The following PTPRK variants were observed in gnomAD, a reference collection of about 807,000 sequenced individuals.
The protein encoded by PTPRK is protein tyrosine phosphatase receptor type K, also known as receptor-type tyrosine-protein phosphatase kappa.
A neutral mutation model predicts 178.0 loss-of-function variants in PTPRK; 75 were observed. The observed-to-expected ratio is 0.42, with a 90% confidence interval of 0.35 to 0.51. PTPRK has a LOEUF of 0.51. PTPRK is among the 20% of genes least tolerant of loss of function. The pLI is 0.02. For missense variants in PTPRK, 1,441 were observed against 1,797.8 expected (o/e 0.80, Z 3.59); for synonymous variants, 637 against 620.6 (o/e 1.03, Z -0.39).
intron 7 of PTPRK, among the ~76,000 whole-genome samples, chr6:128,125,124 G>A (rs933789171): frequency 1.9e-4 from 29 of 152,250 alleles, no homozygotes; most frequent in African/African-American, 7.0e-4. Context: ...CTCATACATT[G>A]TCTCTATAGT....
At chr6:128,443,063 C>CA (rs1263975767) in intron 1 of PTPRK, among the ~76,000 whole-genome samples, 1 of 151,178 alleles carries the variant, frequency 6.6e-6, no homozygotes, top group Non-Finnish European at 1.5e-5. Context: ...GTTAAAATAA[C>CA]ATGATAACAT....
intron 2 of PTPRK, among the ~76,000 whole-genome samples, chr6:128,392,530 A>G (rs1562425287): frequency 6.6e-6 from 1 of 152,222 alleles, no homozygotes; most frequent in African/African-American, 2.4e-5. Flanking sequence ...TCTCAGATCT[A>G]GGAGAGAACA....
At chr6:128,044,321 T>C (rs1165606683) in intron 13 of PTPRK, among the ~76,000 whole-genome samples, 1 of 152,018 alleles carries the variant, frequency 6.6e-6, no homozygotes, top group East Asian at 1.9e-4. Context: ...AATACACCCA[T>C]TTCTCTCTCA....
rs776303868 is a variant in PTPRK, at chr6:127,991,282, T to C, written c.2979+12A>G. The C allele has an allele frequency of 2.5e-6, 4 of 1,580,672 alleles. No homozygotes were observed. In the East Asian group the frequency reaches 9.1e-5, roughly 36 times the overall value. Reference sequence around the variant, plus strand: ...ATTTTTATGACAAAAAAATTCTTTTTCTTCCTCTTACCCGGCCAACCTCAA... The same window carrying C: ...ATTTTTATGACAAAAAAATTCTTTTCCTTCCTCTTACCCGGCCAACCTCAA... On this transcript the variant is annotated intron_variant, in intron 20 of 29. Transcript: ENST00000368226.
intron 1 of PTPRK, among the ~76,000 whole-genome samples, chr6:128,472,932 G>T (rs1850891668): frequency 6.6e-6 from 1 of 152,024 alleles, no homozygotes; most frequent in Admixed American, 6.6e-5. Context: ...GATAGTTGTT[G>T]CATGAGACAA....
intron 1 of PTPRK, among the ~76,000 whole-genome samples, chr6:128,436,598 A>AT (rs528184321): frequency 0.011 from 1,644 of 148,636 alleles, 14 homozygotes; most frequent in Admixed American, 0.032. Context: ...CTGTTGAGTG[A>AT]TTTTTTTTTT....
At chr6:128,361,834 G>C (rs1834803442) in intron 2 of PTPRK, among the ~76,000 whole-genome samples, 1 of 152,044 alleles carries the variant, frequency 6.6e-6, no homozygotes, top group Non-Finnish European at 1.5e-5. Flanking sequence ...ATAATAAAAA[G>C]TTCTTTAGTT....
intron 3 of PTPRK, among the ~76,000 whole-genome samples, chr6:128,256,927 T>C (rs763643579): frequency 2.0e-5 from 3 of 151,960 alleles, no homozygotes; most frequent in African/African-American, 4.8e-5. Flanking sequence ...TTAGGAAGAA[T>C]AGAACAGAAG....
intron 1 of PTPRK, 130 bp downstream of exon 1, chr6:128,520,129 C>A: frequency 1.3e-6 from 1 of 768,222 alleles, no homozygotes; most frequent in Non-Finnish European, 2.0e-6. Context: ...CTCCCTCTAC[C>A]CTGTGTTCCC....
rs1478689437 is a variant in PTPRK at position 128,299,672 on chromosome 6, T to G, written c.495+22367A>C. On this transcript the variant is annotated intron_variant, in intron 3 of 29. Transcript: ENST00000368226. ...GCTGGGAAAACTGGCTAGCCTTATG[T>G]AGAAAGCTGAAACTGGATCCCTTCC... 2.6e-4 allele frequency among the ~76,000 whole-genome samples: 40 copies of G among 152,068 alleles called. 1 individual carries two copies. The highest frequency in any genetic ancestry group is 9.4e-4 in the African/African-American group (39 of 41,388).
intron 3 of PTPRK, among the ~76,000 whole-genome samples, chr6:128,279,186 C>T (rs1244799818): frequency 1.4e-5 from 2 of 146,100 alleles, no homozygotes; most frequent in Non-Finnish European, 3.0e-5. Context: ...GAGAACAAGT[C>T]CCCCAAATTT....
intron 1 of PTPRK, among the ~76,000 whole-genome samples, chr6:128,471,684 C>G (rs1850686894): frequency 6.8e-6 from 1 of 148,116 alleles, no homozygotes; most frequent in African/African-American, 2.5e-5. Context: ...TGAAATGGAC[C>G]AGGCAAATGG....
rs147293144 is a variant in PTPRK, at chr6:128,266,788, G to A, written c.496-24186C>T. On this transcript the variant is annotated intron_variant, in intron 3 of 29. Coordinates refer to ENST00000368226, the MANE Select transcript of PTPRK (RefSeq NM_002844.4). The stretch of plus-strand genomic sequence containing the variant: ...CAGCTTTCAACTCGGAAGTTTTTGT[G>A]TGCTTCCTGAAAACAATGTTTTCAA... 2.4e-4 allele frequency among the ~76,000 whole-genome samples: 37 copies of A among 152,182 alleles called. No individual in the cohort carries two copies. In the East Asian group the frequency reaches 3.9e-3, roughly 16 times the overall value.
rs1345883420 is a variant in PTPRK at position 127,982,971 on chromosome 6, T to C, written c.3397A>G (p.Ile1133Val). 7 of 1,611,882 alleles carry C rather than the reference T, an allele frequency of 4.3e-6. No individual in the cohort carries two copies. The highest frequency in any genetic ancestry group is 3.4e-5 in the Admixed American group (2 of 59,670). ...TCTAAAATGGCATCATGAATAAAAATGTACTGTTCCTACCAAAAGAATGAA... is the reference window on the plus strand; with the variant it reads ...TCTAAAATGGCATCATGAATAAAAACGTACTGTTCCTACCAAAAGAATGAA... ...INMVQTEEQY[I>V]FIHDAILEAC... The change falls in exon 24 of 30, where the codon ATT becomes GTT. Residue 1133 changes from isoleucine (I) to valine (V), a missense_variant. By Grantham distance (29) the Ile-to-Val change is conservative (BLOSUM62 3). Coordinates refer to ENST00000368226, the MANE Select transcript of PTPRK (RefSeq NM_002844.4).
At chr6:128,314,976 A>G (rs892021398) in intron 3 of PTPRK, among the ~76,000 whole-genome samples, 5 of 149,314 alleles carry the variant, frequency 3.3e-5, no homozygotes, top group African/African-American at 1.2e-4. Context: ...CAACCCCCCA[A>G]GACATAGAAA....
intron 2 of PTPRK, among the ~76,000 whole-genome samples, chr6:128,328,830 TAAAC>T (rs1414761521): frequency 5.3e-5 from 8 of 152,078 alleles, no homozygotes. Context: ...TTTCCCAAAA[TAAAC>T]AAAAAAGATA....
At chr6:128,244,289 C>T (rs904817215) in intron 3 of PTPRK, among the ~76,000 whole-genome samples, 9 of 152,006 alleles carry the variant, frequency 5.9e-5, no homozygotes, top group African/African-American at 1.2e-4. Flanking sequence ...GTATAAATTT[C>T]GAAGTTATCT....
chr6:128,147,281 A>T (rs1796631173), intron 7 of PTPRK, among the ~76,000 whole-genome samples: 1 of 152,316 alleles, frequency 6.6e-6, no homozygotes, highest in Admixed American at 6.5e-5. Context: ...GCTTAAAGCT[A>T]AATAGCTACA....
chr6:128,453,943 C>G (rs1848096562), intron 1 of PTPRK, among the ~76,000 whole-genome samples: 2 of 152,096 alleles, frequency 1.3e-5, no homozygotes, highest in African/African-American at 4.8e-5. Context: ...AAGCAAAGTT[C>G]TTCTATAGAA....
Sources: gnomAD v4.1 joint callset for allele counts (sites outside exome capture counted in the v4.1 genomes callset) on GRCh38, gnomAD v4.1.1 for gene constraint, MANE v1.5 for transcripts, NCBI Gene and HGNC (gene_info 2026-07-23, HGNC 2026-07-21) for gene names.